CDH12: variants seen among roughly 807,000 people sequenced by gnomAD.
The protein encoded by CDH12 is cadherin-12.
CDH12 carries 41 observed loss-of-function variants against 74.1 expected under a neutral mutation model. That is an observed-to-expected ratio of 0.55 (90% CI 0.43 to 0.72). The LOEUF is 0.72. CDH12 is among the 30% of genes least tolerant of loss of function. CDH12 has a pLI of 0.00. For synonymous variants in CDH12, 399 were observed against 355.0 expected (o/e 1.12, Z -1.39); for missense variants, 945 against 977.2 (o/e 0.97, Z 0.44).
chr5:22,274,736 G>C (rs1375917557), intron 3 of CDH12, among the ~76,000 whole-genome samples: 2 of 151,994 alleles, frequency 1.3e-5, no homozygotes, highest in Non-Finnish European at 2.9e-5. Flanking sequence ...CTTTATTTTA[G>C]AGATAAAATA....
intron 1 of CDH12, among the ~76,000 whole-genome samples, chr5:22,767,732 G>C (rs192568581): frequency 3.0e-4 from 45 of 151,894 alleles, no homozygotes; most frequent in African/African-American, 1.1e-3. Context: ...TTATACCTAC[G>C]AGTTCTTTCA....
chr5:22,285,648 C>A (rs913971147), intron 3 of CDH12, among the ~76,000 whole-genome samples: 5 of 152,224 alleles, frequency 3.3e-5, no homozygotes, highest in African/African-American at 1.2e-4. Context: ...AACCCTATAT[C>A]TAACTAAGTT....
chr5:22,033,335 A>T (rs1043364475), intron 5 of CDH12, among the ~76,000 whole-genome samples: 11 of 152,124 alleles, frequency 7.2e-5, no homozygotes, highest in African/African-American at 2.7e-4. Context: ...ACATGCTTGA[A>T]TTTTTTCACA....
chr5:22,806,889 T>C (rs1451398421), intron 1 of CDH12, among the ~76,000 whole-genome samples: 1 of 152,212 alleles, frequency 6.6e-6, no homozygotes, highest in Non-Finnish European at 1.5e-5. Context: ...GTCAGATGGA[T>C]AGATTGCAAA....
At chr5:21,988,491 CAAAAAAAAA>C (rs1157872208) in intron 5 of CDH12, among the ~76,000 whole-genome samples, 536 of 29,496 alleles carry the variant, frequency 0.018, 5 homozygotes, top group African/African-American at 0.03. Context: ...GACTCCGTCT[CAAAAAAAAA>C]AAAAAAAAAA....
intron 3 of CDH12, among the ~76,000 whole-genome samples, chr5:22,329,021 A>T: frequency 6.6e-6 from 1 of 152,154 alleles, no homozygotes; most frequent in African/African-American, 2.4e-5. Context: ...AATAAACAAG[A>T]CAAGAGAAGA....
chr5:22,399,497 A>C (rs1461362178), intron 3 of CDH12, among the ~76,000 whole-genome samples: 1 of 152,164 alleles, frequency 6.6e-6, no homozygotes, highest in Admixed American at 6.6e-5. Flanking sequence ...TCAGCCTCTT[A>C]AAAGGACATC....
chr5:21,839,577 A>AAT (rs1412840154), intron 8 of CDH12, among the ~76,000 whole-genome samples: 4 of 152,136 alleles, frequency 2.6e-5, no homozygotes, highest in Non-Finnish European at 5.9e-5. Context: ...CCATCAGTAA[A>AAT]ATATAGGTTT....
chr5:22,015,517 G>T (rs555619813), intron 5 of CDH12, among the ~76,000 whole-genome samples: 1 of 152,232 alleles, frequency 6.6e-6, no homozygotes, highest in Non-Finnish European at 1.5e-5. Context: ...CTGCCAAAAT[G>T]TGTTGAATAT....
intron 1 of CDH12, among the ~76,000 whole-genome samples, chr5:22,552,568 A>C (rs2126735775): frequency 6.6e-6 from 1 of 152,008 alleles, no homozygotes; most frequent in South Asian, 2.1e-4. Context: ...AGCTGGAACT[A>C]CAGGCACCAG....
chr5:22,457,980 T>G (rs1745352370), intron 2 of CDH12, among the ~76,000 whole-genome samples: 1 of 151,960 alleles, frequency 6.6e-6, no homozygotes, highest in South Asian at 2.1e-4. Context: ...CCTGACCTCA[T>G]GATCCACCCG....
chr5:22,116,908 A>G (rs1338968976), intron 4 of CDH12, among the ~76,000 whole-genome samples: 4 of 133,130 alleles, frequency 3.0e-5, no homozygotes, highest in Admixed American at 1.6e-4. Flanking sequence ...AACTTTTTCC[A>G]TCATTACTGG....
intron 1 of CDH12, among the ~76,000 whole-genome samples, chr5:22,782,589 A>C (rs994127662): frequency 2.0e-4 from 31 of 152,178 alleles, no homozygotes; most frequent in African/African-American, 7.0e-4. Flanking sequence ...ATATCTTTAC[A>C]GAAGTGTGAA....
chr5:22,279,416 T>C (rs1736776853), intron 3 of CDH12, among the ~76,000 whole-genome samples: 1 of 152,198 alleles, frequency 6.6e-6, no homozygotes, highest in Admixed American at 6.5e-5. Flanking sequence ...AGGGTACATG[T>C]GCACAACGTG....
intron 6 of CDH12, among the ~76,000 whole-genome samples, chr5:21,874,458 C>T (rs1171390540): frequency 6.6e-6 from 1 of 152,064 alleles, no homozygotes; most frequent in Non-Finnish European, 1.5e-5. Flanking sequence ...CACTAAAATG[C>T]GAATTAGGCA....
chr5:22,732,240 C>G (rs1033630570), intron 1 of CDH12, among the ~76,000 whole-genome samples: 2 of 151,758 alleles, frequency 1.3e-5, no homozygotes, highest in Non-Finnish European at 2.9e-5. Context: ...ACGGTCTTCC[C>G]TCTGTATATA....
chr5:22,501,343 C>G (rs910197519), intron 2 of CDH12, among the ~76,000 whole-genome samples: 1 of 151,934 alleles, frequency 6.6e-6, no homozygotes, highest in South Asian at 2.1e-4. Context: ...ACTGGGATAC[C>G]TTTTTTAATG....
At chr5:22,198,876 T>A (rs1166765868) in intron 4 of CDH12, among the ~76,000 whole-genome samples, 5 of 141,750 alleles carry the variant, frequency 3.5e-5, no homozygotes, top group Admixed American at 1.5e-4. Context: ...CGACATTTTT[T>A]ATTTTTATTT....
At chr5:22,377,360 G>A (rs1445813915) in intron 3 of CDH12, among the ~76,000 whole-genome samples, 3 of 152,118 alleles carry the variant, frequency 2.0e-5, no homozygotes, top group Non-Finnish European at 2.9e-5. Flanking sequence ...AGCTCAACAA[G>A]GTCGCCAATG....
Sources: gnomAD v4.1 joint callset for allele counts (sites outside exome capture counted in the v4.1 genomes callset) on GRCh38, gnomAD v4.1.1 for gene constraint, MANE v1.5 for transcripts, NCBI Gene and HGNC (gene_info 2026-07-23, HGNC 2026-07-21) for gene names.